Variants in ADAMTS13 observed in about 807,000 individuals in gnomAD.
ADAMTS13 encodes the protein A disintegrin and metalloproteinase with thrombospondin motifs 13.
A neutral mutation model predicts 155.1 loss-of-function variants in ADAMTS13; 110 were observed. That is an observed-to-expected ratio of 0.71 (90% CI 0.61 to 0.83). The LOEUF is 0.83. Among genes scored for constraint, ADAMTS13 ranks in the 40% least tolerant of loss-of-function variants. ADAMTS13 has a pLI of 0.00. For synonymous variants in ADAMTS13, 758 were observed against 756.4 expected (o/e 1.00, Z -0.03); for missense variants, 1,707 against 1,891.7 (o/e 0.90, Z 1.81).
intron 21 of ADAMTS13, among the ~76,000 whole-genome samples, chr9:133,448,090 A>G (rs1179221338): frequency 1.3e-5 from 2 of 151,264 alleles, no homozygotes; most frequent in Admixed American, 6.6e-5. Context: ...TCCTGGGTTC[A>G]AGTGATTCTC....
intron 8 of ADAMTS13, among the ~76,000 whole-genome samples, chr9:133,430,635 A>G (rs1840680364): frequency 6.6e-6 from 1 of 152,112 alleles, no homozygotes; most frequent in Non-Finnish European, 1.5e-5. Context: ...ATGTTTTAAT[A>G]TTCTTATACA....
At chr9:133,422,044 CG>C, upstream of ADAMTS13, 1 of 250,928 alleles carries the variant, frequency 4.0e-6, no homozygotes, top group East Asian at 1.1e-4. Flanking sequence ...CAGATGGGAG[CG>C]GGGACCCCGG....
chr9:133,440,615 T>C lies in ADAMTS13; in HGVS notation c.1968+90T>C. 2 of 1,401,578 alleles carry C rather than the reference T, an allele frequency of 1.4e-6. No individual in the cohort carries two copies. Among genetic ancestry groups the C allele is most frequent in the Non-Finnish European group, 1.9e-6 (2 of 1,049,488 alleles). The allele number at this position is 1,401,578 out of a possible 1,614,324, so 86.8% of individuals were successfully genotyped here. On this transcript the variant is annotated intron_variant, in intron 16 of 28. Transcript: ENST00000355699. This position sits in a 1 kb window ranked among gnomAD's most constrained non-coding sequence, Gnocchi z 4.3. ...GTTTGTCTATCCATCCATTCCCTGA[T>C]TCGTTCATTTATTCATTCAGCGGTC...
At position 133,441,229 on chromosome 9, in the gene ADAMTS13, G is replaced by C. The variant is rs1841647663; in HGVS notation, c.1968+704G>C. Among the ~76,000 whole-genome samples, 1 of 152,158 alleles carries C rather than the reference G, an allele frequency of 6.6e-6. No homozygotes were observed. Among genetic ancestry groups the C allele is most frequent in the African/African-American group, 2.4e-5 (1 of 41,424 alleles). On this transcript the variant is annotated intron_variant, in intron 16 of 28. Coordinates refer to ENST00000355699, the MANE Select transcript of ADAMTS13 (RefSeq NM_139027.6). The surrounding 1 kb of genome is among the most constrained non-coding windows in gnomAD (Gnocchi z 5.0). Reference sequence around the variant, plus strand: ...GAGAGGGGCCCAGTCTCAGCGGCCGGAGCAGCGTCCTCTGCCCCTACAGCA... The same window carrying C: ...GAGAGGGGCCCAGTCTCAGCGGCCGCAGCAGCGTCCTCTGCCCCTACAGCA...
chr9:133,434,387 C>T (rs1430069507), intron 11 of ADAMTS13, among the ~76,000 whole-genome samples: 1 of 152,150 alleles, frequency 6.6e-6, no homozygotes, highest in Admixed American at 6.5e-5. Flanking sequence ...CTCACTGCAA[C>T]CTCTGCCTCC....
intron 11 of ADAMTS13, 102 bp downstream of exon 11, chr9:133,433,806 G>T: frequency 7.1e-7 from 1 of 1,412,078 alleles, no homozygotes; most frequent in Admixed American, 1.8e-5. Context: ...ATTTGAGAAG[G>T]ACATTGGGGC....
rs931559052 is a variant in ADAMTS13 at position 133,456,214 on chromosome 9, G to A, written c.3546G>A (p.Ala1182=). ...RVLESSLNCS[A]GDMLLLWGRL... is the part of the protein sequence containing the mutation. The stretch of plus-strand genomic sequence containing the variant: ...TTGAGAGTTCTCTCAACTGCAGTGC[G>A]GGTATGTCTAGGGCCATGCAAGCGA... Residue 1182 remains alanine (A), a splice_region_variant and synonymous_variant, in exon 26 of 29, where the codon GCG becomes GCA. Transcript: ENST00000355699. This position sits in a 1 kb window ranked among gnomAD's most constrained non-coding sequence, Gnocchi z 4.4. 6 of 1,613,452 alleles carry A rather than the reference G, an allele frequency of 3.7e-6. No homozygotes were observed. The highest frequency in any genetic ancestry group is 5.1e-6 in the Non-Finnish European group (6 of 1,180,020).
rs36222579 is a variant in ADAMTS13, at chr9:133,454,520, G to A, written c.3150G>A (p.Val1050=). 712 of 1,611,452 alleles carry A rather than the reference G, an allele frequency of 4.4e-4. 6 individuals are homozygous for A. In the African/African-American group the frequency reaches 8.3e-3, roughly 19 times the overall value. Residue 1050 remains valine, a synonymous_variant, in exon 24 of 29, where the codon GTG becomes GTA. Transcript: ENST00000355699. Reference sequence around the variant, plus strand: ...TCGACCAAGGCCAGGACGTGGAGGTGGACGAGGCGGCCTGTGCGGCGCTGG... The same window carrying A: ...TCGACCAAGGCCAGGACGTGGAGGTAGACGAGGCGGCCTGTGCGGCGCTGG... The part of the protein sequence containing the change: ...VQLDQGQDVE[V]DEAACAALVR...
intron 19 of ADAMTS13, 82 bp downstream of exon 19, chr9:133,443,643 A>C: frequency 7.0e-7 from 1 of 1,418,788 alleles, no homozygotes; most frequent in East Asian, 2.5e-5. Context: ...CCTTCTGAGA[A>C]TCCCCTCCTC....
rs1840179210 is a variant in ADAMTS13, at chr9:133,424,906, G to T, written c.330+428G>T. Among the ~76,000 whole-genome samples, 1 of 152,180 alleles carries T rather than the reference G, an allele frequency of 6.6e-6. No homozygotes were observed. Among genetic ancestry groups the T allele is most frequent in the Non-Finnish European group, 1.5e-5 (1 of 68,034 alleles). On this transcript the variant is annotated intron_variant, in intron 3 of 28. Transcript: ENST00000355699. The surrounding 1 kb of genome is among the most constrained non-coding windows in gnomAD (Gnocchi z 4.3). ...GTCACCCGTCTGAAGTCTAAACAGA[G>T]ACTGCTGGCAAAGGAGATGCCCACC... is the stretch of plus-strand genomic sequence containing the variant.
chr9:133,437,040 C>G, intron 12 of ADAMTS13, 85 bp downstream of exon 12: 2 of 1,502,284 alleles, frequency 1.3e-6, no homozygotes. Flanking sequence ...GGTTGGCCTA[C>G]TATCCCTCCA....
At chr9:133,414,974 G>A (rs781915967) in intron 1 of ADAMTS13, 1 of 1,598,764 alleles carries the variant, frequency 6.3e-7, no homozygotes, top group Non-Finnish European at 8.5e-7. Context: ...GATGACAAGA[G>A]GCTTTTCTGG....
intron 23 of ADAMTS13, among the ~76,000 whole-genome samples, chr9:133,453,043 G>A (rs1283684469): frequency 6.6e-6 from 1 of 152,078 alleles, no homozygotes; most frequent in Admixed American, 6.5e-5. Flanking sequence ...CTCCTGTGAC[G>A]CTCTGCTTGG....
Position 133,455,852 on chromosome 9 carries a change from C to T in ADAMTS13, c.3401-217C>T, listed in dbSNP as rs1472392214. 4.8e-5 allele frequency: 37 copies of T among 767,330 alleles called. No homozygotes were observed. In the Admixed American group the frequency reaches 8.2e-4, roughly 17 times the overall value. The allele number at this position is 767,330 out of a possible 1,614,324, so 47.5% of individuals were successfully genotyped here. ...GCCTCTGGGCTGCTCTGCATGTGCC[C>T]CCTCTTGCTGGATCATCTGGTAGCA... On this transcript the variant is annotated intron_variant, in intron 25 of 28. Coordinates refer to ENST00000355699, the MANE Select transcript of ADAMTS13 (RefSeq NM_139027.6).
Position 133,459,344 on chromosome 9 carries a change from C to G in ADAMTS13, c.*164C>G, listed in dbSNP as rs1554797302. 1 of 761,748 alleles carries G rather than the reference C, an allele frequency of 1.3e-6. No individual in the cohort carries two copies. The highest frequency in any genetic ancestry group is 2.3e-6 in the Non-Finnish European group (1 of 441,912). The allele number at this position is 761,748 out of a possible 1,614,324, so 47.2% of individuals were successfully genotyped here. On this transcript the variant is annotated 3_prime_UTR_variant, in exon 29 of 29. Coordinates refer to ENST00000355699, the MANE Select transcript of ADAMTS13 (RefSeq NM_139027.6). ...GGAGGTGGGGACTCTGGAAAAGCAG[C>G]CCCCATTTCCTCGGGTACCAATAAA...
upstream of ADAMTS13, among the ~76,000 whole-genome samples, chr9:133,419,362 T>G (rs1216806172): frequency 1.3e-5 from 2 of 152,148 alleles, no homozygotes; most frequent in Non-Finnish European, 2.9e-5. Flanking sequence ...AGACGTCTAA[T>G]CAGCAGCAGG....
At chr9:133,455,649 G>C (rs1842697481) in intron 25 of ADAMTS13, 1 of 1,590,602 alleles carries the variant, frequency 6.3e-7, no homozygotes, top group African/African-American at 1.3e-5. Context: ...TGCAGGAGGG[G>C]TGGGCAAAGG....
chr9:133,417,758 C>G (rs782685072), upstream of ADAMTS13: 1 of 1,613,038 alleles, frequency 6.2e-7, no homozygotes, highest in African/African-American at 1.3e-5. Flanking sequence ...TCTTGTTTTT[C>G]TTCCGAGTGA....
chr9:133,424,172 A>C lies in ADAMTS13; in HGVS notation c.173-149A>C, dbSNP rs7031011. ...CCTGCCCTTTGCGTGCCTAGTCACTAATGGGGTCTGGCTCTTGGGGTGGGG... is the reference window on the plus strand; with the variant it reads ...CCTGCCCTTTGCGTGCCTAGTCACTCATGGGGTCTGGCTCTTGGGGTGGGG... On this transcript the variant is annotated intron_variant, in intron 2 of 28. Coordinates refer to ENST00000355699, the MANE Select transcript of ADAMTS13 (RefSeq NM_139027.6). The surrounding 1 kb of genome is among the most constrained non-coding windows in gnomAD (Gnocchi z 4.3). 1 of 1,275,122 alleles carries C rather than the reference A, an allele frequency of 7.8e-7. No individual in the cohort carries two copies. Among genetic ancestry groups the C allele is most frequent in the Admixed American group, 1.7e-5 (1 of 58,832 alleles). 79.0% of individuals were successfully genotyped at this position (1,275,122 alleles called of 1,614,324 possible).
Sources: gnomAD v4.1 joint callset for allele counts (sites outside exome capture counted in the v4.1 genomes callset) on GRCh38, gnomAD v4.1.1 for gene constraint, Gnocchi (gnomAD v3.1) non-coding constraint, MANE v1.5 for transcripts, NCBI Gene and HGNC (gene_info 2026-07-23, HGNC 2026-07-21) for gene names.